The following PRKCH variants were observed in gnomAD, a reference collection of about 807,000 sequenced individuals.
The protein encoded by PRKCH is protein kinase C eta.
PRKCH carries 28 observed loss-of-function variants against 82.5 expected under a neutral mutation model. The ratio of observed to expected loss-of-function variants is 0.34; its 90% confidence interval spans 0.25 to 0.47. The LOEUF is 0.47. Among genes scored for constraint, PRKCH ranks in the 20% least tolerant of loss-of-function variants. PRKCH has a pLI of 1.00. For missense variants in PRKCH, 705 were observed against 881.8 expected (o/e 0.80, Z 2.54); for synonymous variants, 322 against 327.4 (o/e 0.98, Z 0.18).
chr14:61,549,703 A>G lies in PRKCH; in HGVS notation c.1924A>G (p.Ser642Gly), dbSNP rs1390131609. Residue 642 changes from serine (S) to glycine (G), a missense_variant, in exon 14 of 14, where the codon AGT (serine) becomes GGT (glycine). Coordinates refer to ENST00000332981, the MANE Select transcript of PRKCH (RefSeq NM_006255.5). ...RPRIKSREDV[S>G]NFDPDFIKEE... ...TTGGCAGAAATCCCGAGAAGATGTC[A>G]GTAATTTTGACCCTGACTTCATAAA... is the stretch of plus-strand genomic sequence containing the variant. The G allele has an allele frequency of 4.3e-6, 7 of 1,612,430 alleles. No individual in the cohort carries two copies. In the South Asian group the frequency reaches 6.6e-5, roughly 15 times the overall value.
In PRKCH at chr14:61,280,755, CG is replaced by C; in HGVS notation, c.-19+93088del. 1 of 1,560,302 alleles carries C rather than the reference CG, an allele frequency of 6.4e-7. No homozygotes were observed. On this transcript the variant is annotated intron_variant, in intron 1 of 3. Transcript: ENST00000555185. The surrounding 1 kb of genome is among the most constrained non-coding windows in gnomAD (Gnocchi z 5.0). ...GCGCGCTGGGGAGTCCGCTCAGCTG[CG>C]CGTCGTCGCGGGACACGCCGTAGCG...
At chr14:61,214,376 G>A (rs1013919305) in intron 1 of PRKCH, among the ~76,000 whole-genome samples, 4 of 152,022 alleles carry the variant, frequency 2.6e-5, no homozygotes, top group African/African-American at 7.3e-5. Flanking sequence ...TGATCATCAC[G>A]GTCCAGTCTA....
At chr14:61,537,189 T>C (rs1026572722) in intron 12 of PRKCH, among the ~76,000 whole-genome samples, 2 of 152,194 alleles carry the variant, frequency 1.3e-5, no homozygotes, top group African/African-American at 4.8e-5. Context: ...TTCTGCTCAA[T>C]ACTTAACGTG....
upstream of PRKCH, among the ~76,000 whole-genome samples, chr14:61,319,581 T>C (rs769054364): frequency 2.6e-5 from 4 of 152,072 alleles, no homozygotes; most frequent in Non-Finnish European, 5.9e-5. Context: ...TAAAAAAAAA[T>C]TTAAAGTCTA....
At chr14:61,205,981 C>A (rs1367323801) in intron 1 of PRKCH, among the ~76,000 whole-genome samples, 1 of 152,150 alleles carries the variant, frequency 6.6e-6, no homozygotes, top group Non-Finnish European at 1.5e-5. Context: ...TCAGCCAGCA[C>A]TTTTCTCAGC....
At chr14:61,353,820 C>T (rs1006538904) in intron 1 of PRKCH, 1 of 152,118 alleles carries the variant, frequency 6.6e-6, no homozygotes, top group Non-Finnish European at 1.5e-5. Flanking sequence ...GACTGTGGTC[C>T]TAGCTACATG....
chr14:61,277,058 C>T (rs2045210203), intron 1 of PRKCH, among the ~76,000 whole-genome samples: 1 of 152,010 alleles, frequency 6.6e-6, no homozygotes, highest in African/African-American at 2.4e-5. Flanking sequence ...TGGTGGTGTG[C>T]ACCTGTAATC....
intron 10 of PRKCH, among the ~76,000 whole-genome samples, chr14:61,519,359 C>A (rs1452950435): frequency 6.6e-6 from 1 of 152,024 alleles, no homozygotes; most frequent in Admixed American, 6.6e-5. Context: ...CACTATGTTG[C>A]CTGGGATGGT....
chr14:61,439,602 C>G (rs1883856375), intron 2 of PRKCH, among the ~76,000 whole-genome samples: 1 of 146,646 alleles, frequency 6.8e-6, no homozygotes, highest in Middle Eastern at 3.2e-3. Context: ...GAGGTGCACT[C>G]CCGGCCTGCT....
intron 12 of PRKCH, among the ~76,000 whole-genome samples, chr14:61,534,632 A>G (rs1252462401): frequency 6.6e-6 from 1 of 152,204 alleles, no homozygotes; most frequent in Non-Finnish European, 1.5e-5. Flanking sequence ...CTTTGTGATC[A>G]TTAGAGGCAT....
At chr14:61,399,822 T>TG (rs1881501656) in intron 2 of PRKCH, among the ~76,000 whole-genome samples, 1 of 152,130 alleles carries the variant, frequency 6.6e-6, no homozygotes, top group Non-Finnish European at 1.5e-5. Flanking sequence ...TACAAGTTTT[T>TG]GGGGAAGGAA....
At chr14:61,469,265 A>G (rs1478095115) in intron 9 of PRKCH, among the ~76,000 whole-genome samples, 2 of 152,234 alleles carry the variant, frequency 1.3e-5, no homozygotes, top group South Asian at 2.1e-4. Flanking sequence ...ACTCATTCTA[A>G]TTAGGAAGAG....
Position 61,280,349 on chromosome 14 carries a change from C to G in PRKCH, c.-19+92681C>G, listed in dbSNP as rs911475712. On this transcript the variant is annotated intron_variant, in intron 1 of 3. Transcript: ENST00000555185. This position sits in a 1 kb window ranked among gnomAD's most constrained non-coding sequence, Gnocchi z 5.0. Reference sequence around the variant, plus strand: ...GAGTAGTTGCCCTGGCGGATGCGCGCGTACAGTTTGCGGAACGTGGGCAGC... The same window carrying G: ...GAGTAGTTGCCCTGGCGGATGCGCGGGTACAGTTTGCGGAACGTGGGCAGC... 4 of 1,613,840 alleles carry G rather than the reference C, an allele frequency of 2.5e-6. No individual in the cohort carries two copies. The highest frequency in any genetic ancestry group is 3.4e-6 in the Non-Finnish European group (4 of 1,179,936).
intron 1 of PRKCH, among the ~76,000 whole-genome samples, chr14:61,313,322 C>T (rs1460831230): frequency 6.6e-6 from 1 of 152,178 alleles, no homozygotes; most frequent in African/African-American, 2.4e-5. Context: ...GTTAATGGAA[C>T]AACCTGACCA....
At chr14:61,348,941 T>G (rs1052752210) in intron 1 of PRKCH, among the ~76,000 whole-genome samples, 20 of 152,250 alleles carry the variant, frequency 1.3e-4, no homozygotes, top group Non-Finnish European at 1.3e-4. Context: ...TAGTATTTGT[T>G]GTACTTGTCA....
intron 1 of PRKCH, among the ~76,000 whole-genome samples, chr14:61,295,105 A>G (rs1594896231): frequency 6.6e-6 from 1 of 152,122 alleles, no homozygotes; most frequent in East Asian, 1.9e-4. Flanking sequence ...GCCTCAAATG[A>G]TCCACCTGCC....
intron 9 of PRKCH, 86 bp downstream of exon 9, chr14:61,457,765 A>G: frequency 6.5e-7 from 1 of 1,530,134 alleles, no homozygotes; most frequent in Non-Finnish European, 8.9e-7. Context: ...CATAAAGTTG[A>G]GTATCAGAAA....
rs1216647545 is a variant in PRKCH at position 61,503,919 on chromosome 14, C to G, written c.1433+18263C>G. Among the ~76,000 whole-genome samples, 3 of 152,096 alleles carry G rather than the reference C, an allele frequency of 2.0e-5. No individual in the cohort carries two copies. The South Asian group carries it at 6.2e-4, about 32-fold the overall frequency. On this transcript the variant is annotated intron_variant, in intron 10 of 13. Coordinates refer to ENST00000332981, the MANE Select transcript of PRKCH (RefSeq NM_006255.5). Reference sequence around the variant, plus strand: ...TAAGATATAACTCTAGAATCAAAAACTTACCAGAGAAGCTCAAGATACTTT... The same window carrying G: ...TAAGATATAACTCTAGAATCAAAAAGTTACCAGAGAAGCTCAAGATACTTT...
At chr14:61,459,221 G>A (rs183231378) in intron 9 of PRKCH, among the ~76,000 whole-genome samples, 9 of 152,280 alleles carry the variant, frequency 5.9e-5, no homozygotes, top group African/African-American at 1.9e-4. Context: ...TTCCTGGCCT[G>A]TGCCACCATC....
Sources: gnomAD v4.1 joint callset for allele counts (sites outside exome capture counted in the v4.1 genomes callset) on GRCh38, gnomAD v4.1.1 for gene constraint, Gnocchi (gnomAD v3.1) non-coding constraint, MANE v1.5 for transcripts, NCBI Gene and HGNC (gene_info 2026-07-23, HGNC 2026-07-21) for gene names.